The following ZNF596 variants were observed in gnomAD, a reference collection of about 807,000 sequenced individuals.
The protein encoded by ZNF596 is zinc finger protein 596.
A neutral mutation model predicts 48.3 loss-of-function variants in ZNF596; 45 were observed. The ratio of observed to expected loss-of-function variants is 0.93; its 90% CI spans 0.73 to 1.19. The LOEUF is 1.19. ZNF596 is among the 50% of genes most tolerant of loss of function. The pLI is 0.00. For synonymous variants in ZNF596, 270 were observed against 202.0 expected (o/e 1.34, Z -2.85); for missense variants, 848 against 599.7 (o/e 1.41, Z -4.32).
At chr8:242,735 A>G in intron 2 of ZNF596, 152 bp from the exon 3 acceptor site, 1 of 569,060 alleles carries the variant, frequency 1.8e-6, no homozygotes, top group Non-Finnish European at 2.7e-6. Flanking sequence ...TTCCCAGTTC[A>G]GATTTAAAGC....
rs150499628 is a variant in ZNF596 at position 245,927 on chromosome 8, G to T, written c.1080G>T (p.Glu360Asp). Reference protein sequence around the residue: ...LRQHERSHNGEKPHGCHLCGK... With the variant: ...LRQHERSHNGDKPHGCHLCGK... Reference sequence around the variant, plus strand: ...AACATGAGCGAAGTCACAATGGAGAGAAACCACATGGATGTCATCTATGTG... The same window carrying T: ...AACATGAGCGAAGTCACAATGGAGATAAACCACATGGATGTCATCTATGTG... The change falls in exon 6 of 6, where the codon GAG becomes GAT. Residue 360 changes from glutamate to aspartate, a missense_variant. Transcript: ENST00000398612. 2 of 1,613,934 alleles carry T rather than the reference G, an allele frequency of 1.2e-6. No homozygotes were observed. The highest frequency in any genetic ancestry group is 1.7e-6 in the Non-Finnish European group (2 of 1,179,996).
chr8:243,343 T>A (rs1428413581), intron 3 of ZNF596: 1 of 264,594 alleles, frequency 3.8e-6, no homozygotes. Flanking sequence ...TTTAAAGTAA[T>A]TATTCTATCA....
chr8:232,807 A>G (rs2286137), intron 1 of ZNF596, 113 bp downstream of exon 1: 137,044 of 400,746 alleles, frequency 0.34, 26,145 homozygotes, highest in African/African-American at 0.49. Flanking sequence ...ATGCTTCCCC[A>G]TCCTTCCCTC....
At chr8:232,734 C>T (rs1422002892) in intron 1 of ZNF596, 40 bp downstream of exon 1, 11 of 406,116 alleles carry the variant, frequency 2.7e-5, no homozygotes, top group Non-Finnish European at 1.0e-5. Context: ...ATCGTCCCCA[C>T]CCTCGCCCCT....
intron 1 of ZNF596, chr8:233,128 G>C: frequency 2.1e-6 from 1 of 468,380 alleles, no homozygotes; most frequent in South Asian, 1.5e-5. Flanking sequence ...AGTTTAGATG[G>C]GAAGTGGATG....
chr8:240,912 G>A lies in ZNF596; in HGVS notation c.12+5G>A, dbSNP rs748420050. ...GCTAGTACAATGCCATCACCGGTGA[G>A]TGGGAAATTCTTCTTTCTACTGAAA... On this transcript the variant is annotated splice_donor_5th_base_variant and intron_variant, in intron 2 of 5. Transcript: ENST00000398612. 6 of 1,614,124 alleles carry A rather than the reference G, an allele frequency of 3.7e-6. No homozygotes were observed. In the East Asian group the frequency reaches 1.3e-4, roughly 36 times the overall value.
In ZNF596 at chr8:246,590, A is replaced by T; in HGVS notation, c.*228A>T. On this transcript the variant is annotated 3_prime_UTR_variant, in exon 6 of 6. Transcript: ENST00000398612. ...AGAGAATGAAACTATAGATCAAAGG[A>T]ATGTGGAGGAGTCTTCATCCACAGC... The T allele has an allele frequency of 2.2e-6, 1 of 446,414 alleles. No homozygotes were observed. Among genetic ancestry groups the T allele is most frequent in the Non-Finnish European group, 3.8e-6 (1 of 260,400 alleles). The allele number at this position is 446,414 out of a possible 1,614,324, so 27.7% of individuals were successfully genotyped here. A position where few individuals can be genotyped will look rare whatever the true frequency, so the allele number is the denominator to read the frequency against.
intron 1 of ZNF596, among the ~76,000 whole-genome samples, chr8:234,081 G>T (rs141123694): frequency 2.6e-5 from 4 of 152,180 alleles, no homozygotes; most frequent in Non-Finnish European, 5.9e-5. Context: ...ATGAGGAGGA[G>T]GTGTTGGTTC....
At chr8:241,057 C>T (rs1032801298) in intron 2 of ZNF596, 150 bp downstream of exon 2, 4 of 959,288 alleles carry the variant, frequency 4.2e-6, no homozygotes, top group Admixed American at 3.8e-5. Flanking sequence ...TTTACATTGG[C>T]TCAAAGAGTC....
chr8:245,841 G>A lies in ZNF596; in HGVS notation c.994G>A (p.Glu332Lys). 6.2e-7 allele frequency: 1 copy of A among 1,614,072 alleles called. No individual in the cohort carries two copies. The highest frequency in any genetic ancestry group is 8.5e-7 in the Non-Finnish European group (1 of 1,180,004). ...ACAACATGAAAGAACTCACAATGGA[G>A]AGAAACCATATGAATGTCATCTATG... ...LRQHERTHNGEKPYECHLCGK... is the reference protein window; with the variant it reads ...LRQHERTHNGKKPYECHLCGK... The change falls in exon 6 of 6, where the codon GAG becomes AAG. Residue 332 changes from glutamate (E) to lysine (K), a missense_variant. Coordinates refer to ENST00000398612, the MANE Select transcript of ZNF596 (RefSeq NM_001042416.3).
At position 232,606 on chromosome 8, in the gene ZNF596, G is replaced by A. The variant is rs181473349; in HGVS notation, c.-161G>A. 1.8e-5 allele frequency: 6 copies of A among 334,106 alleles called. No individual in the cohort carries two copies. The highest frequency in any genetic ancestry group is 4.5e-5 in the African/African-American group (2 of 44,456). 20.7% of individuals were successfully genotyped at this position (334,106 alleles called of 1,614,324 possible). A position where few individuals can be genotyped will look rare whatever the true frequency, so the allele number is the denominator to read the frequency against. On this transcript the variant is annotated 5_prime_UTR_variant, in exon 1 of 6. Transcript: ENST00000398612. ...GCCCAGCTGCCAGATCTGCGTCTGT[G>A]TCCGGTTCCGTCACTGAGGTCGCCC...
In ZNF596 at chr8:246,171, A is replaced by G. The variant is rs370719960; in HGVS notation, c.1324A>G (p.Thr442Ala). 1.2e-6 allele frequency: 2 copies of G among 1,614,190 alleles called. No individual in the cohort carries two copies. Among genetic ancestry groups the G allele is most frequent in the Non-Finnish European group, 1.7e-6 (2 of 1,180,032 alleles). Residue 442 changes from threonine to alanine, a missense_variant, in exon 6 of 6, where the codon ACT becomes GCT. Thr to Ala is a moderately conservative substitution (Grantham distance 58). Coordinates refer to ENST00000398612, the MANE Select transcript of ZNF596 (RefSeq NM_001042416.3). ...CCTTAGACGACATGAGAGAACTCAC[A>G]CTGGAGAGAAACCATATGAATGCAA... ...SVLRRHERTH[T>A]GEKPYECNIC... is the part of the protein sequence containing the mutation.
chr8:246,661 T>C lies in ZNF596; in HGVS notation c.*299T>C, dbSNP rs141514294. ...AATCACATCACGAAAATTCTGTGCC[T>C]GTCGTCAGTGTGAAAATGCCTTTGC... On this transcript the variant is annotated 3_prime_UTR_variant, in exon 6 of 6. Transcript: ENST00000398612. 2 of 268,238 alleles carry C rather than the reference T, an allele frequency of 7.5e-6. No individual in the cohort carries two copies. Among genetic ancestry groups the C allele is most frequent in the Non-Finnish European group, 1.4e-5 (2 of 142,540 alleles). The allele number at this position is 268,238 out of a possible 1,614,324, so 16.6% of individuals were successfully genotyped here.
intron 1 of ZNF596, chr8:237,271 T>C (rs1420545971): frequency 6.6e-6 from 1 of 152,170 alleles, no homozygotes; most frequent in Non-Finnish European, 1.5e-5. Flanking sequence ...TAATTATTGA[T>C]TTCTGTCAAA....
chr8:242,743 A>T (rs1796905192), intron 2 of ZNF596, 144 bp from the exon 3 acceptor site: 1 of 633,832 alleles, frequency 1.6e-6, no homozygotes, highest in Admixed American at 3.9e-5. Flanking sequence ...TCAGATTTAA[A>T]GCAATGTGAC....
At chr8:234,308 G>C (rs6980500) in intron 1 of ZNF596, 1 of 152,216 alleles carries the variant, frequency 6.6e-6, no homozygotes, top group Non-Finnish European at 1.5e-5. Flanking sequence ...CACTAGGGAA[G>C]AACGGTGTTA....
Position 246,612 on chromosome 8 carries a change from C to A in ZNF596, c.*250C>A. The A allele has an allele frequency of 8.0e-6, 3 of 376,384 alleles. No individual in the cohort carries two copies. The highest frequency in any genetic ancestry group is 1.4e-5 in the Non-Finnish European group (3 of 213,594). The allele number at this position is 376,384 out of a possible 1,614,324, so 23.3% of individuals were successfully genotyped here. On this transcript the variant is annotated 3_prime_UTR_variant, in exon 6 of 6. Coordinates refer to ENST00000398612, the MANE Select transcript of ZNF596 (RefSeq NM_001042416.3). ...AGGAATGTGGAGGAGTCTTCATCCA[C>A]AGCTCTGTTAAATAAATGGGAGAAA...
rs1445858178 is a variant in ZNF596, at chr8:243,671, ACATT to A, written c.140-50_140-47del. 3 of 1,583,916 alleles carry A rather than the reference ACATT, an allele frequency of 1.9e-6. No individual in the cohort carries two copies. The Admixed American group carries it at 5.0e-5, about 27-fold the overall frequency. On this transcript the variant is annotated intron_variant, in intron 3 of 5. Coordinates refer to ENST00000398612, the MANE Select transcript of ZNF596 (RefSeq NM_001042416.3). ...GCTGCCCTGTATCTGATAACCTTGT[ACATT>A]TGTCAGCACAGAACTCAAAATCCAT...
In ZNF596 at chr8:246,167, T is replaced by G. The variant is rs779442990; in HGVS notation, c.1320T>G (p.Thr440=). The change falls in exon 6 of 6, where the codon ACT becomes ACG. Residue 440 remains threonine (T), a synonymous_variant. Coordinates refer to ENST00000398612, the MANE Select transcript of ZNF596 (RefSeq NM_001042416.3). The part of the protein sequence containing the change: ...HSSVLRRHER[T]HTGEKPYECN... ...CTGTCCTTAGACGACATGAGAGAAC[T>G]CACACTGGAGAGAAACCATATGAAT... is the stretch of plus-strand genomic sequence containing the variant. 6.2e-7 allele frequency: 1 copy of G among 1,614,170 alleles called. No individual in the cohort carries two copies. The highest frequency in any genetic ancestry group is 2.2e-5 in the East Asian group (1 of 44,870).
Sources: gnomAD v4.1 joint callset for allele counts (sites outside exome capture counted in the v4.1 genomes callset) on GRCh38, gnomAD v4.1.1 for gene constraint, MANE v1.5 for transcripts, NCBI Gene and HGNC (gene_info 2026-07-23, HGNC 2026-07-21) for gene names.